IL13RA1: variants seen among roughly 807,000 people sequenced by gnomAD.
IL13RA1 encodes the protein interleukin 13 receptor subunit alpha 1, also known as interleukin-13 receptor subunit alpha-1.
A neutral mutation model predicts 33.8 loss-of-function variants in IL13RA1; 14 were observed. That is an observed-to-expected ratio of 0.41 (90% CI 0.27 to 0.65). IL13RA1 has a LOEUF of 0.65. Among genes scored for constraint, IL13RA1 ranks in the 30% least tolerant of loss-of-function variants. The pLI is 0.28. For synonymous variants in IL13RA1, 116 were observed against 115.7 expected, an observed-to-expected ratio of 1.00 and a Z score of -0.02; for missense variants, 313 against 327.0, an observed-to-expected ratio of 0.96 and a Z score of 0.33.
At chrX:118,776,361 T>C (rs1387371071) in intron 9 of IL13RA1, 66 bp from the exon 10 acceptor site, 1 of 492,558 alleles carries the variant, frequency 2.0e-6, no homozygotes, top group African/African-American at 2.4e-5. Context: ...TTTAATATGG[T>C]GGTATTTATG....
rs769663319 is a variant in IL13RA1 at position 118,776,427 on chromosome X, G to C, written c.1107G>C (p.Arg369Ser). 4.4e-6 allele frequency: 4 copies of C among 902,057 alleles called. No individual in the cohort carries two copies. Among genetic ancestry groups the C allele is most frequent in the Non-Finnish European group, 6.5e-6 (4 of 619,807 alleles). The allele number at this position is 902,057 out of a possible 1,213,427, so 74.3% of individuals were successfully genotyped here. A position where few individuals can be genotyped will look rare whatever the true frequency, so the allele number is the denominator to read the frequency against. Residue 369 changes from arginine to serine, a missense_variant and splice_region_variant, in exon 10 of 11, where the codon AGG becomes AGC. Coordinates refer to ENST00000371666, the MANE Select transcript of IL13RA1 (RefSeq NM_001560.3). ...ATCAAATGTCTCTGTTTTCTTAAAG[G>C]CTCAAGATTATTATATTCCCTCCAA... ...AIIVLLLYLK[R>S]LKIIIFPPIP...
intron 10 of IL13RA1, among the ~76,000 whole-genome samples, chrX:118,786,385 C>T (rs2017917454): frequency 9.3e-6 from 1 of 107,542 alleles, no homozygotes; most frequent in East Asian, 2.9e-4. Context: ...TGTGAGACTC[C>T]ATCTCAAAAA....
intron 6 of IL13RA1, among the ~76,000 whole-genome samples, chrX:118,765,190 C>T (rs2017633485): frequency 9.0e-6 from 1 of 111,299 alleles, no homozygotes; most frequent in Admixed American, 9.5e-5. Flanking sequence ...CTCCACCTCC[C>T]GGGTTCAAGC....
At chrX:118,804,376 A>G in the IL13RA1 span, among the ~76,000 whole-genome samples, 3 of 103,877 alleles carry the variant, frequency 2.9e-5, no homozygotes, top group African/African-American at 1.1e-4. Context: ...TAAAACAGAA[A>G]AAAAACACAG....
chrX:118,749,554 C>A, intron 3 of IL13RA1, 104 bp from the exon 4 acceptor site: 1 of 793,103 alleles, frequency 1.3e-6, no homozygotes, highest in Non-Finnish European at 1.9e-6. Context: ...TGCTTTCTGA[C>A]AAAGCAGCAT....
chrX:118,755,360 T>TAGTC (rs1390074798), intron 4 of IL13RA1, among the ~76,000 whole-genome samples: 1 of 110,071 alleles, frequency 9.1e-6, no homozygotes, highest in African/African-American at 3.3e-5. Flanking sequence ...AGCTTCAGAC[T>TAGTC]AGTCATGCCA....
chrX:118,794,634 T>C (rs1302099790), downstream of IL13RA1: 4 of 112,071 alleles, frequency 3.6e-5, no homozygotes, highest in Admixed American at 1.9e-4. Context: ...AAGCCAGCTA[T>C]TTTATCTTAT....
chrX:118,803,484 T>C, the IL13RA1 span, among the ~76,000 whole-genome samples: 1 of 112,343 alleles, frequency 8.9e-6, no homozygotes, highest in Non-Finnish European at 1.9e-5. Context: ...CTAAGGACCC[T>C]TTTTGTTTTA....
At chrX:118,752,098 A>G (rs748935770) in intron 4 of IL13RA1, among the ~76,000 whole-genome samples, 1 of 109,663 alleles carries the variant, frequency 9.1e-6, no homozygotes, top group Non-Finnish European at 1.9e-5. Flanking sequence ...ATCTCATTTG[A>G]GGTTTTGTAG....
intron 9 of IL13RA1, among the ~76,000 whole-genome samples, chrX:118,774,938 G>A (rs1428526164): frequency 9.0e-6 from 1 of 111,243 alleles, no homozygotes; most frequent in Non-Finnish European, 1.9e-5. Context: ...ACCAGGTACT[G>A]TTCTAAGTGC....
At chrX:118,779,085 A>G (rs1298865617) in intron 10 of IL13RA1, among the ~76,000 whole-genome samples, 1 of 112,209 alleles carries the variant, frequency 8.9e-6, no homozygotes, top group Non-Finnish European at 1.9e-5. Flanking sequence ...GGGATTTCTG[A>G]GAAAAAGATT....
At chrX:118,774,151 TC>T (rs1175341838) in intron 9 of IL13RA1, among the ~76,000 whole-genome samples, 176 bp downstream of exon 9, 2 of 107,490 alleles carry the variant, frequency 1.9e-5, no homozygotes, top group Admixed American at 2.0e-4. Context: ...TCTTTTCTTT[TC>T]TTTTTTTTTT....
At chrX:118,780,274 A>G (rs1418486063) in intron 10 of IL13RA1, among the ~76,000 whole-genome samples, 1 of 112,558 alleles carries the variant, frequency 8.9e-6, no homozygotes, top group Non-Finnish European at 1.9e-5. Context: ...GAATGAACAT[A>G]GCCCTAGAGG....
chrX:118,739,154 C>T (rs1397993092), intron 1 of IL13RA1, among the ~76,000 whole-genome samples: 1 of 111,967 alleles, frequency 8.9e-6, no homozygotes, highest in Non-Finnish European at 1.9e-5. Flanking sequence ...TGCATTTCCA[C>T]CAACAGGGTA....
At position 118,753,911 on chromosome X, in the gene IL13RA1, C is replaced by T. The variant is rs142307287; in HGVS notation, c.488+4133C>T. 4.3e-3 allele frequency among the ~76,000 whole-genome samples: 483 copies of T among 112,760 alleles called. 6 individuals are homozygous for T. Among genetic ancestry groups the T allele is most frequent in the Admixed American group, 0.04 (423 of 10,707 alleles). On this transcript the variant is annotated intron_variant, in intron 4 of 10. Coordinates refer to ENST00000371666, the MANE Select transcript of IL13RA1 (RefSeq NM_001560.3). ...TGCCATCCAGTATAGGAGCCACTGGCTACATGTGGCTAGTTACATTTTAAT... is the reference window on the plus strand; with the variant it reads ...TGCCATCCAGTATAGGAGCCACTGGTTACATGTGGCTAGTTACATTTTAAT...
chrX:118,762,914 T>G (rs1219722800), intron 6 of IL13RA1, among the ~76,000 whole-genome samples: 1 of 112,020 alleles, frequency 8.9e-6, no homozygotes, highest in Non-Finnish European at 1.9e-5. Flanking sequence ...CCACTGAAAA[T>G]ATAGACTCCT....
At chrX:118,769,118 T>C (rs1372403479) in intron 8 of IL13RA1, among the ~76,000 whole-genome samples, 1 of 112,215 alleles carries the variant, frequency 8.9e-6, no homozygotes, top group Non-Finnish European at 1.9e-5. Flanking sequence ...TGTTCTGTTT[T>C]TTAGAAGTGA....
At chrX:118,731,735 C>G (rs2017222984) in intron 1 of IL13RA1, among the ~76,000 whole-genome samples, 1 of 112,306 alleles carries the variant, frequency 8.9e-6, no homozygotes, top group Non-Finnish European at 1.9e-5. Context: ...CAAGAGGTTA[C>G]TATTATTATC....
At chrX:118,799,648 CTG>C in the IL13RA1 span, among the ~76,000 whole-genome samples, 13 of 105,396 alleles carry the variant, frequency 1.2e-4, no homozygotes, top group African/African-American at 3.9e-4. Flanking sequence ...AATCGACACT[CTG>C]TATCTAGCTG....
Sources: allele counts gnomAD v4.1 joint callset (sites outside exome capture counted in the v4.1 genomes callset), GRCh38; gene constraint gnomAD v4.1.1; transcripts MANE v1.5; gene names NCBI Gene and HGNC (gene_info 2026-07-23, HGNC 2026-07-21).